ABCA1: variants seen among roughly 807,000 people sequenced by gnomAD.
ABCA1 encodes ATP binding cassette subfamily A member 1.
ABCA1 carries 133 observed loss-of-function variants against 262.5 expected under a neutral mutation model. That is an observed-to-expected ratio of 0.51 (90% CI 0.44 to 0.59). The LOEUF (loss-of-function observed/expected upper bound fraction) is 0.59, where lower values mean the gene tolerates loss of function less well. Among genes scored for constraint, ABCA1 ranks in the 20% least tolerant of loss-of-function variants. ABCA1 has a pLI of 0.00. For synonymous variants in ABCA1, 1,022 were observed against 1,043.5 expected, an observed-to-expected ratio of 0.98 and a Z score of 0.40; for missense variants, 2,452 against 2,777.5, an observed-to-expected ratio of 0.88 and a Z score of 2.63.
At chr9:104,842,828 C>G (rs543961022) in intron 8 of ABCA1, among the ~76,000 whole-genome samples, 4 of 152,322 alleles carry the variant, frequency 2.6e-5, no homozygotes, top group Admixed American at 6.5e-5. Context: ...CCCTCAAGCC[C>G]TCCGCTGGAT....
chr9:104,848,880 C>T lies in ABCA1; in HGVS notation c.721-3311G>A, dbSNP rs1411147692. On this transcript the variant is annotated intron_variant, in intron 7 of 49. Transcript: ENST00000374736. Reference sequence around the variant, plus strand: ...GGTTCACCTGGCCCTGAGTAGGACCCAAGATGGTGCCAAACACATGGGGTG... The same window carrying T: ...GGTTCACCTGGCCCTGAGTAGGACCTAAGATGGTGCCAAACACATGGGGTG... 2.0e-5 allele frequency among the ~76,000 whole-genome samples: 3 copies of T among 152,196 alleles called. No individual in the cohort carries two copies. In the East Asian group the frequency reaches 5.8e-4, roughly 30 times the overall value.
In ABCA1 at chr9:104,806,109, AAAAAAAC is replaced by A. The variant is rs367717603; in HGVS notation, c.4464+125_4464+131del. The A allele has an allele frequency of 2.9e-6, 3 of 1,041,856 alleles. No individual in the cohort carries two copies. The African/African-American group carries it at 4.9e-5, about 17-fold the overall frequency. 64.5% of individuals were successfully genotyped at this position (1,041,856 alleles called of 1,614,324 possible). A position where few individuals can be genotyped will look rare whatever the true frequency, so the allele number is the denominator to read the frequency against. ...GACAGAGCAAGACTCCGCCTCAGAA[AAAAAAAC>A]AAAAAACAAAAAAGACTGAAACAGA... On this transcript the variant is annotated intron_variant, in intron 31 of 49. Transcript: ENST00000374736.
intron 2 of ABCA1, among the ~76,000 whole-genome samples, chr9:104,891,209 T>C (rs1311830725): frequency 1.3e-5 from 2 of 152,230 alleles, no homozygotes; most frequent in Non-Finnish European, 2.9e-5. Flanking sequence ...TCTGATATTT[T>C]TAAAAAACTG....
rs1830487531 is a variant in ABCA1, at chr9:104,803,189, G to A, written c.4592+95C>T. 3.6e-6 allele frequency: 5 copies of A among 1,390,688 alleles called. No individual in the cohort carries two copies. The Admixed American group carries it at 8.4e-5, about 23-fold the overall frequency. The allele number at this position is 1,390,688 out of a possible 1,614,324, so 86.1% of individuals were successfully genotyped here. ...AGTGAGATGGCACCCACAAGTGTGTGAGTGACAAACAATCCCCAAGGCTTT... is the reference window on the plus strand; with the variant it reads ...AGTGAGATGGCACCCACAAGTGTGTAAGTGACAAACAATCCCCAAGGCTTT... On this transcript the variant is annotated intron_variant, in intron 33 of 49. Transcript: ENST00000374736.
intron 30 of ABCA1, 97 bp downstream of exon 30, chr9:104,809,369 G>C (rs562625212): frequency 8.7e-7 from 1 of 1,148,164 alleles, no homozygotes; most frequent in Non-Finnish European, 1.3e-6. Flanking sequence ...AAATGCTGGC[G>C]GTCACAATGT....
chr9:104,792,088 C>A, intron 42 of ABCA1, 90 bp from the exon 43 acceptor site: 1 of 1,132,090 alleles, frequency 8.8e-7, no homozygotes, highest in South Asian at 1.3e-5. Context: ...AAACCACATA[C>A]ACTGCAACAT....
At position 104,845,548 on chromosome 9, in the gene ABCA1, G is replaced by C. The variant is rs142625938; in HGVS notation, c.742C>G (p.Pro248Ala). The change falls in exon 8 of 50, where the codon CCC (proline) becomes GCC (alanine). Residue 248 changes from proline to alanine, a missense_variant. Around this residue, in one of 4 missense-constraint regions of ABCA1, gnomAD observed 1,032 missense variants for 1,089.7 expected, o/e 0.95. Coordinates refer to ENST00000374736, the MANE Select transcript of ABCA1 (RefSeq NM_005502.4). The part of the protein sequence containing the change: ...PILRTLNSTS[P>A]FPSKELAEAT... ...TCAGCCAGCTCCTTGCTCGGGAAGGGAGATGTAGAGTTTAGTGTTCTCTGT... is the reference window on the plus strand; with the variant it reads ...TCAGCCAGCTCCTTGCTCGGGAAGGCAGATGTAGAGTTTAGTGTTCTCTGT... 9.9e-5 allele frequency: 160 copies of C among 1,613,658 alleles called. No homozygotes were observed. In the African/African-American group the frequency reaches 2.0e-3, roughly 20 times the overall value.
intron 43 of ABCA1, 120 bp downstream of exon 43, chr9:104,791,816 T>C (rs1261087306): frequency 2.8e-5 from 26 of 917,424 alleles, no homozygotes; most frequent in Non-Finnish European, 4.5e-5. Flanking sequence ...TGCTCCATCC[T>C]GGCATAAATA....
intron 1 of ABCA1, among the ~76,000 whole-genome samples, chr9:104,909,607 TACACACACACACAC>T (rs59524252): frequency 0.036 from 4,845 of 134,048 alleles, 113 homozygotes; most frequent in Middle Eastern, 0.059. Flanking sequence ...GCAAAAGAAA[TACACACACACACAC>T]ACACACACAC....
Position 104,819,931 on chromosome 9 carries a change from CA to C in ABCA1, c.3098del (p.Leu1033ArgfsTer44). 6.2e-7 allele frequency: 1 copy of C among 1,613,202 alleles called. No homozygotes were observed. Among genetic ancestry groups the C allele is most frequent in the Non-Finnish European group, 8.5e-7 (1 of 1,179,952 alleles). On this transcript the variant is annotated frameshift_variant, in exon 21 of 50. Coordinates refer to ENST00000374736, the MANE Select transcript of ABCA1 (RefSeq NM_005502.4). LOFTEE classifies it high-confidence loss of function. ...GAAGGTAGCTCTGGGCCGCACCTGACAGCTGGCTTGTTTTGCTTTTCAGCTT... is the reference window on the plus strand; with the variant it reads ...GAAGGTAGCTCTGGGCCGCACCTGACGCTGGCTTGTTTTGCTTTTCAGCTT... Reference protein sequence around the residue: ...SSKLKSKTSQLSGGMQRKLSV... With the variant: ...SSKLKSKTSQXSGGMQRKLSV...
At chr9:104,874,425 C>A (rs1331494652) in intron 5 of ABCA1, among the ~76,000 whole-genome samples, 1 of 152,030 alleles carries the variant, frequency 6.6e-6, no homozygotes, top group East Asian at 1.9e-4. Context: ...ATTAGCCAGG[C>A]CTGGTGGTAA....
intron 5 of ABCA1, 130 bp downstream of exon 5, chr9:104,882,909 C>A (rs1838810588): frequency 1.0e-6 from 1 of 968,696 alleles, no homozygotes; most frequent in African/African-American, 1.6e-5. Context: ...CCCCACAGGC[C>A]AGCCACCAAG....
chr9:104,787,818 G>A (rs1829056376), intron 46 of ABCA1, 102 bp downstream of exon 46: 1 of 1,611,734 alleles, frequency 6.2e-7, no homozygotes, highest in Admixed American at 1.7e-5. Context: ...CCTGGGGGAA[G>A]ACAAGCCAAT....
chr9:104,853,170 GAAGAC>G (rs1200843227), intron 7 of ABCA1, among the ~76,000 whole-genome samples: 1 of 152,158 alleles, frequency 6.6e-6, no homozygotes, highest in Non-Finnish European at 1.5e-5. Context: ...AGGCACACTG[GAAGAC>G]ACGTGGACAG....
At chr9:104,884,600 G>A (rs778914560) in intron 3 of ABCA1, 32 bp from the exon 4 acceptor site, 2 of 1,613,760 alleles carry the variant, frequency 1.2e-6, no homozygotes, top group East Asian at 2.2e-5. Flanking sequence ...AAAACACAGG[G>A]AGAAACATTA....
chr9:104,794,412 T>C lies in ABCA1; in HGVS notation c.5481A>G (p.Ala1827=). ...CAAACCTTTCCAGGGCATCAGCCAT[T>C]GCCTGGTTTTTCACCATGTCGATGA... ...RGLIDMVKNQ[A]MADALERFGE... The change falls in exon 40 of 50, where the codon GCA becomes GCG. Residue 1827 remains alanine (A), a synonymous_variant. Coordinates refer to ENST00000374736, the MANE Select transcript of ABCA1 (RefSeq NM_005502.4). 1 of 1,613,758 alleles carries C rather than the reference T, an allele frequency of 6.2e-7. No homozygotes were observed. Among genetic ancestry groups the C allele is most frequent in the Non-Finnish European group, 8.5e-7 (1 of 1,179,952 alleles).
At chr9:104,823,423 G>A (rs963932495) in intron 18 of ABCA1, among the ~76,000 whole-genome samples, 7 of 152,226 alleles carry the variant, frequency 4.6e-5, no homozygotes, top group African/African-American at 1.7e-4. Context: ...CTATTCTACA[G>A]TTACACATGC....
chr9:104,912,087 C>G (rs1841529910), intron 1 of ABCA1, among the ~76,000 whole-genome samples: 1 of 152,178 alleles, frequency 6.6e-6, no homozygotes, highest in South Asian at 2.1e-4. Context: ...AATACACATC[C>G]AATTTCCTAG....
intron 1 of ABCA1, among the ~76,000 whole-genome samples, chr9:104,924,245 T>G (rs1051635547): frequency 6.6e-6 from 1 of 152,176 alleles, no homozygotes; most frequent in Non-Finnish European, 1.5e-5. Flanking sequence ...CTTTTAACAT[T>G]TGATGCTAGA....
Sources: allele counts gnomAD v4.1 joint callset (sites outside exome capture counted in the v4.1 genomes callset), GRCh38; gene constraint gnomAD v4.1.1; regional missense constraint gnomAD v4.1.1; transcripts MANE v1.5; gene names NCBI Gene and HGNC (gene_info 2026-07-23, HGNC 2026-07-21).